Variants in SAMD4A observed in about 807,000 individuals in gnomAD.
The protein encoded by SAMD4A is sterile alpha motif domain containing 4A.
A neutral mutation model predicts 81.3 loss-of-function variants in SAMD4A; 33 were observed. That is an observed-to-expected ratio of 0.41 (90% CI 0.31 to 0.54). The LOEUF (loss-of-function observed/expected upper bound fraction) is 0.54. SAMD4A is among the 20% of genes least tolerant of loss of function. SAMD4A has a pLI of 0.37. For synonymous variants in SAMD4A, 389 were observed against 382.1 expected (o/e 1.02, Z -0.21); for missense variants, 854 against 951.1 (o/e 0.90, Z 1.34).
chr14:54,601,953 C>T (rs2034063993), intron 2 of SAMD4A, among the ~76,000 whole-genome samples: 1 of 152,148 alleles, frequency 6.6e-6, no homozygotes, highest in East Asian at 1.9e-4. Flanking sequence ...AAGAAGAAAA[C>T]TCCGAAGGCA....
At chr14:54,788,343 C>T (rs1384411008) in intron 12 of SAMD4A, among the ~76,000 whole-genome samples, 1 of 152,120 alleles carries the variant, frequency 6.6e-6, no homozygotes, top group Non-Finnish European at 1.5e-5. Context: ...TCCGTTGCAG[C>T]CCCTGCCTGG....
At position 54,567,620 on chromosome 14, in the gene SAMD4A, T is replaced by C. The variant is rs1425522505; in HGVS notation, c.-297T>C. On this transcript the variant is annotated 5_prime_UTR_variant, in exon 2 of 13. Transcript: ENST00000554335. Reference sequence around the variant, plus strand: ...AGAAGGGGGGAGAAAGCATTCTTCATTCAGTTGTGTGCCTTGTGGGGGATT... The same window carrying C: ...AGAAGGGGGGAGAAAGCATTCTTCACTCAGTTGTGTGCCTTGTGGGGGATT... 4.9e-6 allele frequency: 2 copies of C among 407,390 alleles called. No homozygotes were observed. The highest frequency in any genetic ancestry group is 8.7e-6 in the Non-Finnish European group (2 of 229,128). 25.2% of individuals were successfully genotyped at this position (407,390 alleles called of 1,614,324 possible).
intron 2 of SAMD4A, among the ~76,000 whole-genome samples, chr14:54,621,459 C>T (rs1213398077): frequency 6.6e-6 from 1 of 152,148 alleles, no homozygotes; most frequent in South Asian, 2.1e-4. Flanking sequence ...AAGTGATTCT[C>T]CCACCTCAGC....
intron 3 of SAMD4A, among the ~76,000 whole-genome samples, chr14:54,713,971 A>T (rs2140822783): frequency 6.6e-6 from 1 of 152,326 alleles, no homozygotes; most frequent in East Asian, 1.9e-4. Context: ...TTTCAGTAGA[A>T]GGCTTCTTCA....
chr14:54,580,697 C>T (rs2033438493), intron 2 of SAMD4A, among the ~76,000 whole-genome samples: 1 of 151,932 alleles, frequency 6.6e-6, no homozygotes, highest in South Asian at 2.1e-4. Context: ...TCTCTTAGGG[C>T]TTGCTGGTGC....
intron 2 of SAMD4A, among the ~76,000 whole-genome samples, chr14:54,664,556 T>A (rs1012335423): frequency 6.6e-6 from 1 of 152,034 alleles, no homozygotes; most frequent in African/African-American, 2.4e-5. Context: ...TTCTCACAAA[T>A]GCACTTCCTC....
intron 2 of SAMD4A, among the ~76,000 whole-genome samples, chr14:54,654,841 G>A (rs2035484009): frequency 6.6e-6 from 1 of 152,224 alleles, no homozygotes; most frequent in Admixed American, 6.5e-5. Flanking sequence ...CCCTGCCCCT[G>A]TTTCCAGGAG....
chr14:54,694,902 A>ATG, intron 2 of SAMD4A: 1 of 985,572 alleles, frequency 1.0e-6, no homozygotes, highest in Non-Finnish European at 1.2e-6. Flanking sequence ...CATGGAAGAA[A>ATG]TGACCAGATC....
intron 3 of SAMD4A, among the ~76,000 whole-genome samples, chr14:54,710,746 C>G (rs141437439): frequency 8.5e-4 from 129 of 152,286 alleles, no homozygotes; most frequent in African/African-American, 2.9e-3. Context: ...CCACACAACT[C>G]GGTGTCAGCT....
chr14:54,708,905 A>G (rs1219181724), intron 3 of SAMD4A, among the ~76,000 whole-genome samples: 2 of 152,196 alleles, frequency 1.3e-5, no homozygotes, highest in Non-Finnish European at 2.9e-5. Context: ...AACTGGCCAC[A>G]TGCTAGATTT....
chr14:54,758,888 T>C (rs2038316671), intron 6 of SAMD4A, among the ~76,000 whole-genome samples: 1 of 151,946 alleles, frequency 6.6e-6, no homozygotes, highest in Non-Finnish European at 1.5e-5. Context: ...TCAATGTCCT[T>C]TCCAGGTCCT....
At position 54,688,293 on chromosome 14, in the gene SAMD4A, G is replaced by A. The variant is rs568654511; in HGVS notation, c.197-13769G>A. The A allele has an allele frequency of 1.7e-4, 163 of 985,454 alleles. No individual in the cohort carries two copies. In the African/African-American group the frequency reaches 2.4e-3, roughly 14 times the overall value. 61.0% of individuals were successfully genotyped at this position (985,454 alleles called of 1,614,324 possible). Reference sequence around the variant, plus strand: ...CACCAAACGGTTCTCCGGAGCAACCGTTTAGAGGTAACGTACTGGCTCTCA... The same window carrying A: ...CACCAAACGGTTCTCCGGAGCAACCATTTAGAGGTAACGTACTGGCTCTCA... On this transcript the variant is annotated intron_variant, in intron 2 of 12. Transcript: ENST00000554335.
At chr14:54,724,007 T>TGGAAGGAAGGAAGAA (rs1555347509) in intron 3 of SAMD4A, among the ~76,000 whole-genome samples, 39 of 124,252 alleles carry the variant, frequency 3.1e-4, no homozygotes, top group East Asian at 7.5e-4. Flanking sequence ...GATGGATGGA[T>TGGAAGGAAGGAAGAA]GGAAGGAAGG....
chr14:54,744,312 T>A (rs2037914723), intron 4 of SAMD4A, among the ~76,000 whole-genome samples: 1 of 152,222 alleles, frequency 6.6e-6, no homozygotes, highest in Non-Finnish European at 1.5e-5. Context: ...GACTCAAATT[T>A]GCAGCCATTT....
chr14:54,611,891 GAAAAA>G (rs1373251047), intron 2 of SAMD4A, among the ~76,000 whole-genome samples: 13 of 148,438 alleles, frequency 8.8e-5, no homozygotes, highest in Non-Finnish European at 1.9e-4. Context: ...AAAAAAAAAA[GAAAAA>G]AGAAAAGAAG....
At chr14:54,711,410 C>T (rs1019585572) in intron 3 of SAMD4A, among the ~76,000 whole-genome samples, 2 of 151,996 alleles carry the variant, frequency 1.3e-5, no homozygotes, top group South Asian at 2.1e-4. Flanking sequence ...AACTAGTGAT[C>T]GTAAAAACAG....
intron 12 of SAMD4A, 40 bp downstream of exon 12, chr14:54,784,660 C>T (rs768243731): frequency 2.6e-6 from 4 of 1,568,262 alleles, no homozygotes; most frequent in Non-Finnish European, 3.5e-6. Context: ...GTCCCTGTTA[C>T]CGTGTGCCTG....
intron 11 of SAMD4A, among the ~76,000 whole-genome samples, chr14:54,777,481 GC>G (rs2038885655): frequency 6.6e-6 from 1 of 152,218 alleles, no homozygotes; most frequent in Non-Finnish European, 1.5e-5. Context: ...TGGCCCGGAA[GC>G]CGTGGCTGGG....
chr14:54,709,669 C>T (rs910384856), intron 3 of SAMD4A, among the ~76,000 whole-genome samples: 4 of 152,144 alleles, frequency 2.6e-5, no homozygotes, highest in Non-Finnish European at 4.4e-5. Context: ...GTGTGTTCTT[C>T]ACCACGAGCC....
Sources: gnomAD v4.1 joint callset for allele counts (sites outside exome capture counted in the v4.1 genomes callset) on GRCh38, gnomAD v4.1.1 for gene constraint, MANE v1.5 for transcripts, NCBI Gene and HGNC (gene_info 2026-07-23, HGNC 2026-07-21) for gene names.